The following CFAP299 variants were observed in gnomAD, a reference collection of about 807,000 sequenced individuals.
CFAP299 encodes cilia- and flagella-associated protein 299.
A neutral mutation model predicts 27.0 loss-of-function variants in CFAP299; 21 were observed. That is an observed-to-expected ratio of 0.78 (90% CI 0.55 to 1.12). The LOEUF (loss-of-function observed/expected upper bound fraction) is 1.12. Ranked by LOEUF, CFAP299 falls within the 50% of genes most tolerant of loss-of-function variation. The pLI is 0.00. For synonymous variants in CFAP299, 104 were observed against 98.1 expected, an observed-to-expected ratio of 1.06 and a Z score of -0.36; for missense variants, 310 against 276.6, an observed-to-expected ratio of 1.12 and a Z score of -0.86.
At chr4:80,632,914 A>G (rs1462448396) in intron 3 of CFAP299, among the ~76,000 whole-genome samples, 1 of 152,200 alleles carries the variant, frequency 6.6e-6, no homozygotes, top group Admixed American at 6.5e-5. Context: ...ATTCTTAAAA[A>G]GCACAATCTT....
upstream of CFAP299, among the ~76,000 whole-genome samples, chr4:80,332,390 G>A (rs116314102): frequency 8.7e-3 from 1,326 of 152,114 alleles, 23 homozygotes; most frequent in African/African-American, 0.029. Context: ...GCTGGGGTGG[G>A]GAGGGAGAGA....
chr4:80,374,982 C>CA (rs1327918636), intron 2 of CFAP299, among the ~76,000 whole-genome samples: 3 of 152,066 alleles, frequency 2.0e-5, no homozygotes, highest in African/African-American at 7.2e-5. Flanking sequence ...TTGCCCACTT[C>CA]ATGAAATGAG....
intron 2 of CFAP299, among the ~76,000 whole-genome samples, chr4:80,465,690 A>G (rs1002149724): frequency 6.6e-6 from 1 of 152,254 alleles, no homozygotes; most frequent in Non-Finnish European, 1.5e-5. Context: ...AAACCAAAAG[A>G]GAAATAGAAT....
chr4:80,586,266 TATA>T (rs1482535766), intron 3 of CFAP299, among the ~76,000 whole-genome samples: 1 of 152,012 alleles, frequency 6.6e-6, no homozygotes. Context: ...TAATAAATTT[TATA>T]ATAAAGGAGT....
At chr4:80,581,014 T>C (rs1736135265) in intron 2 of CFAP299, among the ~76,000 whole-genome samples, 2 of 151,936 alleles carry the variant, frequency 1.3e-5, no homozygotes, top group South Asian at 4.1e-4. Flanking sequence ...AGTAATCTCT[T>C]GCAATTTTAA....
intron 3 of CFAP299, among the ~76,000 whole-genome samples, chr4:80,593,553 G>A (rs537977215): frequency 2.0e-5 from 3 of 152,024 alleles, no homozygotes; most frequent in Non-Finnish European, 4.4e-5. Flanking sequence ...TAGTGTCTGT[G>A]GGATCTATGG....
At chr4:80,451,755 C>A (rs1236307383) in intron 2 of CFAP299, among the ~76,000 whole-genome samples, 3 of 152,190 alleles carry the variant, frequency 2.0e-5, no homozygotes, top group Non-Finnish European at 4.4e-5. Context: ...CTTCTCCTTA[C>A]CTTCACACAT....
intron 2 of CFAP299, among the ~76,000 whole-genome samples, chr4:80,523,129 T>C (rs1409513175): frequency 6.6e-6 from 1 of 152,190 alleles, no homozygotes; most frequent in African/African-American, 2.4e-5. Context: ...ATCATGAGCA[T>C]AGAGTATCTT....
At chr4:80,393,144 A>G (rs1048341861) in intron 2 of CFAP299, among the ~76,000 whole-genome samples, 2 of 152,240 alleles carry the variant, frequency 1.3e-5, no homozygotes, top group Non-Finnish European at 2.9e-5. Flanking sequence ...TTTAAAAGCA[A>G]AAAATAAAAT....
intron 2 of CFAP299, among the ~76,000 whole-genome samples, chr4:80,449,368 A>G (rs919314411): frequency 6.6e-6 from 1 of 152,008 alleles, no homozygotes; most frequent in Non-Finnish European, 1.5e-5. Context: ...AGTTATTTAT[A>G]AATAACAGAA....
At chr4:80,740,371 G>A (rs537283319) in intron 3 of CFAP299, among the ~76,000 whole-genome samples, 61 of 152,258 alleles carry the variant, frequency 4.0e-4, no homozygotes, top group African/African-American at 1.3e-3. Flanking sequence ...TTGCTGACTC[G>A]CAGAGATACT....
At chr4:80,686,190 C>G (rs1030101160) in intron 3 of CFAP299, among the ~76,000 whole-genome samples, 5 of 152,112 alleles carry the variant, frequency 3.3e-5, no homozygotes, top group Non-Finnish European at 7.4e-5. Flanking sequence ...GATTGTTACC[C>G]TAATAGTGAA....
At chr4:80,426,889 G>A (rs1159214425) in intron 2 of CFAP299, among the ~76,000 whole-genome samples, 2 of 152,142 alleles carry the variant, frequency 1.3e-5, no homozygotes, top group African/African-American at 2.4e-5. Context: ...AACTTTTTGT[G>A]TGTGAGTATA....
chr4:80,418,349 T>TA (rs535258672), intron 2 of CFAP299, among the ~76,000 whole-genome samples: 180 of 152,058 alleles, frequency 1.2e-3, no homozygotes, highest in Non-Finnish European at 2.3e-3. Context: ...TTTCTTTTTT[T>TA]AAAAAAAAGT....
chr4:80,516,369 A>T (rs1732589268), intron 2 of CFAP299, among the ~76,000 whole-genome samples: 1 of 152,056 alleles, frequency 6.6e-6, no homozygotes, highest in Non-Finnish European at 1.5e-5. Context: ...GTAATTTATA[A>T]AGAAAATATG....
intron 3 of CFAP299, among the ~76,000 whole-genome samples, chr4:80,725,295 C>G (rs1006464042): frequency 6.6e-6 from 1 of 151,590 alleles, no homozygotes; most frequent in African/African-American, 2.4e-5. Flanking sequence ...TCTTTTAATA[C>G]TTTGAGGATA....
Position 80,475,146 on chromosome 4 carries a change from G to GC in CFAP299, c.243-107945dup, listed in dbSNP as rs1033334023. Among the ~76,000 whole-genome samples, 7 of 152,276 alleles carry GC rather than the reference G, an allele frequency of 4.6e-5. 1 individual carries two copies. The East Asian group carries it at 1.4e-3, about 29-fold the overall frequency. On this transcript the variant is annotated intron_variant, in intron 2 of 5. Transcript: ENST00000358105. Reference sequence around the variant, plus strand: ...CGGGCAGAGGGAGAGAGGAGTGGAGGCCAGAACAGTAGGCAGGTGCCAGTG... The same window carrying GC: ...CGGGCAGAGGGAGAGAGGAGTGGAGGCCCAGAACAGTAGGCAGGTGCCAGTG...
At chr4:80,501,688 A>C (rs943950693) in intron 2 of CFAP299, among the ~76,000 whole-genome samples, 1 of 151,484 alleles carries the variant, frequency 6.6e-6, no homozygotes, top group African/African-American at 2.4e-5. Context: ...AATTTGTCTC[A>C]ACATTTGTAA....
At chr4:80,614,122 A>G (rs1738148479) in intron 3 of CFAP299, among the ~76,000 whole-genome samples, 1 of 152,138 alleles carries the variant, frequency 6.6e-6, no homozygotes, top group Non-Finnish European at 1.5e-5. Context: ...ATTTCTGTAT[A>G]CATAACAAGT....
Sources: gnomAD v4.1 joint callset for allele counts (sites outside exome capture counted in the v4.1 genomes callset) on GRCh38, gnomAD v4.1.1 for gene constraint, MANE v1.5 for transcripts, NCBI Gene and HGNC (gene_info 2026-07-23, HGNC 2026-07-21) for gene names.